Variants in MEF2C observed in about 807,000 individuals in gnomAD.
MEF2C encodes the protein myocyte enhancer factor 2C.
In MEF2C, 6 loss-of-function variants were observed where a neutral mutation model predicts 50.5. That is an observed-to-expected ratio of 0.12 (90% CI 0.07 to 0.23). MEF2C has a LOEUF of 0.23. MEF2C is among the 10% of genes least tolerant of loss of function. MEF2C has a pLI of 1.00. For missense variants in MEF2C, 276 were observed against 605.0 expected, an observed-to-expected ratio of 0.46 and a Z score of 5.70; for synonymous variants, 183 against 228.0, an observed-to-expected ratio of 0.80 and a Z score of 1.78.
chr5:88,797,102 T>C (rs970391247), intron 3 of MEF2C, among the ~76,000 whole-genome samples: 5 of 152,182 alleles, frequency 3.3e-5, no homozygotes, highest in Admixed American at 6.6e-5. Flanking sequence ...AAGTCCAACG[T>C]TGATCTGGGG....
intron 6 of MEF2C, chr5:88,746,816 G>A: frequency 5.5e-6 from 2 of 360,454 alleles, no homozygotes; most frequent in Non-Finnish European, 7.7e-6. Flanking sequence ...TCTGCAACAG[G>A]TGTTCCTTGG....
intron 10 of MEF2C, among the ~76,000 whole-genome samples, chr5:88,724,695 G>A (rs1581246549): frequency 6.6e-6 from 1 of 152,060 alleles, no homozygotes; most frequent in East Asian, 1.9e-4. Context: ...GTTAAAATGG[G>A]GAGAGGGAAC....
chr5:88,858,497 G>A (rs1468808408), intron 1 of MEF2C, among the ~76,000 whole-genome samples: 1 of 152,244 alleles, frequency 6.6e-6, no homozygotes, highest in African/African-American at 2.4e-5. Flanking sequence ...CACCTGGGAT[G>A]TCAGGAGGAG....
intron 4 of MEF2C, among the ~76,000 whole-genome samples, chr5:88,757,123 T>TA (rs1382467061): frequency 6.6e-6 from 1 of 152,164 alleles, no homozygotes; most frequent in Non-Finnish European, 1.5e-5. Flanking sequence ...ACATGACAGC[T>TA]AAAAAACTTT....
chr5:88,748,373 G>C (rs1164938857), intron 6 of MEF2C, among the ~76,000 whole-genome samples: 2 of 152,198 alleles, frequency 1.3e-5, no homozygotes. Flanking sequence ...TATGCCAATA[G>C]TGAACTGCAG....
chr5:88,842,587 A>ATTCT (rs1817780261), intron 1 of MEF2C, among the ~76,000 whole-genome samples: 1 of 120,306 alleles, frequency 8.3e-6, no homozygotes, highest in South Asian at 2.5e-4. Flanking sequence ...TTTCCTGAGA[A>ATTCT]TTCATTCAAC....
At chr5:88,836,339 A>G (rs370154461) in intron 1 of MEF2C, among the ~76,000 whole-genome samples, 1 of 151,934 alleles carries the variant, frequency 6.6e-6, no homozygotes, top group African/African-American at 2.4e-5. Flanking sequence ...CTGTCTATCT[A>G]GTAGGATGAC....
chr5:88,865,764 A>C (rs1489670404), intron 1 of MEF2C, among the ~76,000 whole-genome samples: 2 of 152,240 alleles, frequency 1.3e-5, no homozygotes, highest in African/African-American at 4.8e-5. Context: ...ATGGGACTTA[A>C]TATTGCATAA....
chr5:88,865,853 T>C (rs72773817), intron 1 of MEF2C, among the ~76,000 whole-genome samples: 1,833 of 152,124 alleles, frequency 0.012, 13 homozygotes, highest in Non-Finnish European at 0.021. Flanking sequence ...TAATTCCAAA[T>C]AACACATTGA....
intron 2 of MEF2C, among the ~76,000 whole-genome samples, chr5:88,821,499 C>T (rs952217512): frequency 6.6e-6 from 1 of 151,790 alleles, no homozygotes; most frequent in East Asian, 1.9e-4. Context: ...TCCTGGGCTC[C>T]AGTGATCTGC....
At position 88,734,565 on chromosome 5, in the gene MEF2C, G is replaced by GTTTTTTTTT. The variant is rs66505441; in HGVS notation, c.638-2673_638-2665dup. 1,163 of 541,234 alleles carry GTTTTTTTTT rather than the reference G, an allele frequency of 2.1e-3. 76 individuals are homozygous for GTTTTTTTTT. Among genetic ancestry groups the GTTTTTTTTT allele is most frequent in the Middle Eastern group, 4.7e-3 (4 of 852 alleles). 33.5% of individuals were successfully genotyped at this position (541,234 alleles called of 1,614,324 possible). ...TTCACGGAGGCCTTGAGAAAAGTTT[G>GTTTTTTTTT]TTTTTTTTTTTTTTTTTTTTTTTTT... On this transcript the variant is annotated intron_variant, in intron 6 of 10. Coordinates refer to ENST00000504921, the MANE Select transcript of MEF2C (RefSeq NM_002397.5).
chr5:88,848,025 A>C (rs1819936589), intron 1 of MEF2C, among the ~76,000 whole-genome samples: 1 of 152,232 alleles, frequency 6.6e-6, no homozygotes, highest in Non-Finnish European at 1.5e-5. Flanking sequence ...AAGTGCAAAT[A>C]AACTTCATTC....
intron 2 of MEF2C, among the ~76,000 whole-genome samples, chr5:88,811,517 A>T (rs1372927530): frequency 2.6e-5 from 4 of 152,124 alleles, no homozygotes; most frequent in Non-Finnish European, 4.4e-5. Context: ...AGATGTTCTT[A>T]ATCTATGCCT....
chr5:88,765,933 T>C (rs905582427), intron 3 of MEF2C, among the ~76,000 whole-genome samples: 3 of 152,190 alleles, frequency 2.0e-5, no homozygotes, highest in African/African-American at 4.8e-5. Context: ...TTGAGGTAGA[T>C]CCATCAACTA....
In MEF2C at chr5:88,720,010, T is replaced by C. The variant is rs781324521; in HGVS notation, c.*2594A>G. 2 of 152,206 alleles carry C rather than the reference T, an allele frequency of 1.3e-5. No homozygotes were observed. The highest frequency in any genetic ancestry group is 2.9e-5 in the Non-Finnish European group (2 of 68,026). 9.4% of individuals were successfully genotyped at this position (152,206 alleles called of 1,614,324 possible). ...CAAATTGCAGGTTAAAAAACTAATATGGCTATTTCTTCATATTTTCATGTA... is the reference window on the plus strand; with the variant it reads ...CAAATTGCAGGTTAAAAAACTAATACGGCTATTTCTTCATATTTTCATGTA... On this transcript the variant is annotated 3_prime_UTR_variant, in exon 11 of 11. Coordinates refer to ENST00000504921, the MANE Select transcript of MEF2C (RefSeq NM_002397.5).
chr5:88,887,750 T>C (rs1223230639), upstream of MEF2C, among the ~76,000 whole-genome samples: 3 of 152,346 alleles, frequency 2.0e-5, no homozygotes, highest in East Asian at 5.8e-4. Flanking sequence ...CAACTGAAAT[T>C]GTCATGCATT....
At chr5:88,751,400 T>A in intron 5 of MEF2C, 1 of 985,224 alleles carries the variant, frequency 1.0e-6, no homozygotes, top group Non-Finnish European at 1.2e-6. Flanking sequence ...CTTTGTGGGA[T>A]AAGTTACTGT....
rs1288694802 is a variant in MEF2C, at chr5:88,729,207, A to G, written c.964+11T>C. 2 of 1,612,886 alleles carry G rather than the reference A, an allele frequency of 1.2e-6. No homozygotes were observed. The highest frequency in any genetic ancestry group is 1.1e-5 in the South Asian group (1 of 91,036). On this transcript the variant is annotated intron_variant, in intron 9 of 10. Coordinates refer to ENST00000504921, the MANE Select transcript of MEF2C (RefSeq NM_002397.5). ...TTTAGTGTACTAATTGCACATGACA[A>G]AGCTACTCACCGGTACCATATGTTG...
intron 1 of MEF2C, among the ~76,000 whole-genome samples, chr5:88,897,342 G>A (rs17494872): frequency 0.042 from 6,458 of 152,226 alleles, 211 homozygotes; most frequent in Non-Finnish European, 0.06. Context: ...GCCTACGGCC[G>A]CAAAATAAAC....
Sources: gnomAD v4.1 joint callset for allele counts (sites outside exome capture counted in the v4.1 genomes callset) on GRCh38, gnomAD v4.1.1 for gene constraint, MANE v1.5 for transcripts, NCBI Gene and HGNC (gene_info 2026-07-23, HGNC 2026-07-21) for gene names.